GLI2: variants seen among roughly 807,000 people sequenced by gnomAD.
The protein encoded by GLI2 is GLI family zinc finger 2, also known as transcription activator GLI2.
Under a neutral mutation model 78.9 loss-of-function variants are expected in GLI2, and 22 were observed. That is an observed-to-expected ratio of 0.28 (90% CI 0.20 to 0.40). The LOEUF (loss-of-function observed/expected upper bound fraction) is 0.40, where lower values mean the gene tolerates loss of function less well. GLI2 is among the 10% of genes least tolerant of loss of function. GLI2 has a pLI of 1.00. For missense variants in GLI2, 2,097 were observed against 2,213.2 expected (o/e 0.95, Z 1.05); for synonymous variants, 974 against 963.7 (o/e 1.01, Z -0.20).
At chr2:120,765,684 G>C (rs1198411568) in intron 1 of GLI2, among the ~76,000 whole-genome samples, 3 of 152,260 alleles carry the variant, frequency 2.0e-5, no homozygotes, top group Non-Finnish European at 4.4e-5. Flanking sequence ...CAGGTCTGGG[G>C]AACAGGCTTC....
At position 120,989,468 on chromosome 2, in the gene GLI2, G is replaced by A. The variant is rs1171685895; in HGVS notation, c.3503G>A (p.Gly1168Asp). The A allele has an allele frequency of 6.2e-7, 1 of 1,613,104 alleles. No individual in the cohort carries two copies. Among genetic ancestry groups the A allele is most frequent in the Non-Finnish European group, 8.5e-7 (1 of 1,179,978 alleles). ...QQKPAFGQYP[G>D]YSPQGLQASP... ...AAGCCTGCCTTTGGCCAGTACCCGG[G>A]CTACAGTCCGCAAGGCCTACAGGCT... is the stretch of plus-strand genomic sequence containing the variant. Residue 1168 changes from glycine to aspartate, a missense_variant, in exon 14 of 14, where the codon GGC becomes GAC. Gly to Asp is a moderately conservative substitution (Grantham distance 94). This residue lies in a region of GLI2 where 1,290 missense variants were observed against 1,261.7 expected (regional missense o/e 1.02). Transcript: ENST00000361492.
At chr2:120,776,809 G>A (rs1683689418) in intron 1 of GLI2, among the ~76,000 whole-genome samples, 1 of 152,216 alleles carries the variant, frequency 6.6e-6, no homozygotes, top group South Asian at 2.1e-4. Context: ...GGGCCGAGTG[G>A]GGTCTTGAGG....
At chr2:120,738,073 G>C (rs1341776743) in intron 1 of GLI2, among the ~76,000 whole-genome samples, 1 of 152,220 alleles carries the variant, frequency 6.6e-6, no homozygotes, top group Non-Finnish European at 1.5e-5. Context: ...TGCTTGTTTA[G>C]GGGGAAGCTC....
chr2:120,877,072 G>A (rs1017732297), intron 2 of GLI2, among the ~76,000 whole-genome samples: 3 of 152,204 alleles, frequency 2.0e-5, no homozygotes, highest in East Asian at 1.9e-4. Context: ...TGGGTCAGCC[G>A]GTGATGCATT....
At chr2:120,790,491 G>T (rs901347639) in intron 1 of GLI2, among the ~76,000 whole-genome samples, 1 of 152,164 alleles carries the variant, frequency 6.6e-6, no homozygotes, top group South Asian at 2.1e-4. Flanking sequence ...GTGGAGGCTG[G>T]GGGCTGTGGG....
At chr2:120,906,839 CAG>C (rs1408201374) in intron 2 of GLI2, among the ~76,000 whole-genome samples, 2 of 152,200 alleles carry the variant, frequency 1.3e-5, no homozygotes, top group African/African-American at 4.8e-5. Flanking sequence ...CCCCGCGTGG[CAG>C]AGTCCTGCTG....
In GLI2 at chr2:120,955,344, A is replaced by C. The variant is rs1573668919; in HGVS notation, c.557A>C (p.His186Pro). The change falls in exon 5 of 14, where the codon CAC (histidine) becomes CCC (proline). Residue 186 changes from histidine (H) to proline (P), a missense_variant. This residue lies in a region of GLI2 where 578 missense variants were observed against 612.0 expected (regional missense o/e 0.94). Transcript: ENST00000361492. The stretch of plus-strand genomic sequence containing the variant: ...CACCAGATGACCCTCGTGGCAGGCC[A>C]CCCCGCGCCCTACGGGGACCTGCTG... ...YYHQMTLVAG[H>P]PAPYGDLLMQ... 6.2e-7 allele frequency: 1 copy of C among 1,612,296 alleles called. No homozygotes were observed. The highest frequency in any genetic ancestry group is 8.5e-7 in the Non-Finnish European group (1 of 1,179,264).
chr2:120,955,091 G>A (rs1046836517), intron 4 of GLI2, among the ~76,000 whole-genome samples, 154 bp from the exon 5 acceptor site: 1 of 151,790 alleles, frequency 6.6e-6, no homozygotes, highest in Non-Finnish European at 1.5e-5. Flanking sequence ...TGCAAACAGT[G>A]GGGCAGTGGG....
In GLI2 at chr2:120,988,765, G is replaced by T. The variant is rs1383010786; in HGVS notation, c.2800G>T (p.Ala934Ser). 4 of 1,283,308 alleles carry T rather than the reference G, an allele frequency of 3.1e-6. No homozygotes were observed. The highest frequency in any genetic ancestry group is 3.7e-5 in the South Asian group (2 of 53,774). 79.5% of individuals were successfully genotyped at this position (1,283,308 alleles called of 1,614,324 possible). Residue 934 changes from alanine to serine, a missense_variant, in exon 14 of 14, where the codon GCG becomes TCG. Around this residue, in one of 5 missense-constraint regions of GLI2, gnomAD observed 1,290 missense variants for 1,261.7 expected, o/e 1.02. Transcript: ENST00000361492. ...CGGGCCGACCTATGGCCACGGCCAC[G>T]CGGGGGCTGCGCCCGCCTTCCCCCA... ...SDGPTYGHGHAGAAPAFPHEA... is the reference protein window; with the variant it reads ...SDGPTYGHGHSGAAPAFPHEA...
At chr2:120,762,130 C>G (rs766375973) in intron 1 of GLI2, among the ~76,000 whole-genome samples, 3 of 152,112 alleles carry the variant, frequency 2.0e-5, no homozygotes, top group African/African-American at 7.2e-5. Flanking sequence ...ATAATGAGAC[C>G]GAGTAGCCCA....
chr2:120,774,775 C>A (rs1683628745), intron 1 of GLI2, among the ~76,000 whole-genome samples: 1 of 150,482 alleles, frequency 6.6e-6, no homozygotes, highest in African/African-American at 2.5e-5. Flanking sequence ...CTCCCTATTG[C>A]CCCAGGCTTG....
At chr2:120,797,520 C>T in intron 2 of GLI2, 52 bp downstream of exon 2, 1 of 1,557,396 alleles carries the variant, frequency 6.4e-7, no homozygotes, top group Non-Finnish European at 8.8e-7. Flanking sequence ...TTTCATTAGC[C>T]CGTTAGGATT....
At chr2:120,969,269 C>T (rs1005055238) in intron 6 of GLI2, among the ~76,000 whole-genome samples, 8 of 152,226 alleles carry the variant, frequency 5.3e-5, no homozygotes, top group African/African-American at 1.9e-4. Context: ...ATTGACATGG[C>T]CCATGCTCTC....
At chr2:120,977,133 C>G (rs1183565936) in intron 9 of GLI2, among the ~76,000 whole-genome samples, 2 of 152,188 alleles carry the variant, frequency 1.3e-5, no homozygotes, top group Non-Finnish European at 2.9e-5. Flanking sequence ...TTTCTGTCTT[C>G]TGGGGCAAGG....
At chr2:120,907,173 C>T (rs116022024) in intron 2 of GLI2, among the ~76,000 whole-genome samples, 6,469 of 152,228 alleles carry the variant, frequency 0.042, 470 homozygotes, top group African/African-American at 0.15. Flanking sequence ...ACAGGGCTCT[C>T]GGAGTCCCAG....
At chr2:120,936,084 G>A (rs888096138) in intron 3 of GLI2, among the ~76,000 whole-genome samples, 8 of 152,100 alleles carry the variant, frequency 5.3e-5, no homozygotes, top group Non-Finnish European at 8.8e-5. Flanking sequence ...CCCCACTGTC[G>A]GACATTTCCC....
Position 120,968,965 on chromosome 2 carries a change from G to GC in GLI2, c.845+53dup, listed in dbSNP as rs770643158. On this transcript the variant is annotated intron_variant, in intron 6 of 13. Transcript: ENST00000361492. Reference sequence around the variant, plus strand: ...GCTGAGGACCAGAGCTGGGCTGAGGGCCCGGTGGGGAGGCGCTGGCTTTTC... The same window carrying GC: ...GCTGAGGACCAGAGCTGGGCTGAGGGCCCCGGTGGGGAGGCGCTGGCTTTTC... 5 of 1,459,444 alleles carry GC rather than the reference G, an allele frequency of 3.4e-6. No homozygotes were observed. In the Admixed American group the frequency reaches 8.6e-5, roughly 25 times the overall value. 90.4% of individuals were successfully genotyped at this position (1,459,444 alleles called of 1,614,324 possible).
intron 2 of GLI2, among the ~76,000 whole-genome samples, chr2:120,817,495 G>A (rs1685554873): frequency 6.6e-6 from 1 of 152,130 alleles, no homozygotes; most frequent in Non-Finnish European, 1.5e-5. Context: ...TCCTCTTACA[G>A]TCTCATCACC....
rs146478406 is a variant in GLI2 at position 120,946,931 on chromosome 2, T to C, written c.255-4312T>C. ...TCTGGCCCATTCCTCTGGCTGTGTT[T>C]AGTCTGTCAAAATGACCATCTCTGG... On this transcript the variant is annotated intron_variant, in intron 3 of 13. Coordinates refer to ENST00000361492, the MANE Select transcript of GLI2 (RefSeq NM_001374353.1). 3.2e-3 allele frequency among the ~76,000 whole-genome samples: 490 copies of C among 152,340 alleles called. 2 individuals carry two copies. The highest frequency in any genetic ancestry group is 0.011 in the African/African-American group (461 of 41,586).
Sources: allele counts gnomAD v4.1 joint callset (sites outside exome capture counted in the v4.1 genomes callset), GRCh38; gene constraint gnomAD v4.1.1; regional missense constraint gnomAD v4.1.1; transcripts MANE v1.5; gene names NCBI Gene and HGNC (gene_info 2026-07-23, HGNC 2026-07-21).